The following KDM4D variants were observed in gnomAD, a reference collection of about 807,000 sequenced individuals.
The protein encoded by KDM4D is lysine-specific demethylase 4D.
For missense variants in KDM4D, 427 were observed against 674.8 expected, an observed-to-expected ratio of 0.63 and a Z score of 4.07; for synonymous variants, 254 against 249.1, an observed-to-expected ratio of 1.02 and a Z score of -0.19.
At chr11:94,984,803 G>A (rs1857871075) in intron 2 of KDM4D, among the ~76,000 whole-genome samples, 1 of 151,832 alleles carries the variant, frequency 6.6e-6, no homozygotes, top group African/African-American at 2.4e-5. Flanking sequence ...GGAGGTGGAG[G>A]TTGCAGTGAT....
At chr11:94,995,177 A>G (rs1857965989) in intron 2 of KDM4D, among the ~76,000 whole-genome samples, 1 of 152,242 alleles carries the variant, frequency 6.6e-6, no homozygotes, top group African/African-American at 2.4e-5. Context: ...TATATGGAAG[A>G]TAAGTCAAGG....
intron 2 of KDM4D, among the ~76,000 whole-genome samples, chr11:94,992,752 A>C (rs1857945917): frequency 6.6e-6 from 1 of 152,194 alleles, no homozygotes; most frequent in Non-Finnish European, 1.5e-5. Flanking sequence ...TTTAAGTAAA[A>C]GTGATTAGTA....
intron 2 of KDM4D, among the ~76,000 whole-genome samples, chr11:94,978,121 C>CTTT (rs1857813282): frequency 6.6e-6 from 1 of 151,976 alleles, no homozygotes; most frequent in Non-Finnish European, 1.5e-5. Flanking sequence ...TTATATGTAC[C>CTTT]ATCAAAATCC....
At chr11:94,991,188 C>T (rs587727229) in intron 2 of KDM4D, among the ~76,000 whole-genome samples, 63 of 152,192 alleles carry the variant, frequency 4.1e-4, no homozygotes, top group African/African-American at 1.5e-3. Context: ...TAGGAGTTCA[C>T]CTAGGAAACA....
intron 2 of KDM4D, among the ~76,000 whole-genome samples, chr11:94,985,704 A>G (rs782504118): frequency 2.0e-5 from 3 of 152,344 alleles, no homozygotes; most frequent in Non-Finnish European, 4.4e-5. Context: ...TCTAATAGAC[A>G]TTGCTAATTG....
At chr11:94,990,875 A>G (rs1238394967) in intron 2 of KDM4D, among the ~76,000 whole-genome samples, 1 of 152,220 alleles carries the variant, frequency 6.6e-6, no homozygotes, top group East Asian at 1.9e-4. Context: ...ACAGAGCCCT[A>G]GGTTCCCACC....
intron 2 of KDM4D, among the ~76,000 whole-genome samples, chr11:94,991,469 A>G (rs1314177818): frequency 6.6e-6 from 1 of 152,180 alleles, no homozygotes; most frequent in Non-Finnish European, 1.5e-5. Context: ...TAGTATTTCT[A>G]GAGAGGTAAA....
chr11:94,997,525 A>T lies in KDM4D; in HGVS notation c.153A>T (p.Ile51=). The T allele has an allele frequency of 6.2e-7, 1 of 1,614,198 alleles. No individual in the cohort carries two copies. Among genetic ancestry groups the T allele is most frequent in the Non-Finnish European group, 8.5e-7 (1 of 1,180,028 alleles). The change falls in exon 3 of 3, where the codon ATA becomes ATT. Residue 51 remains isoleucine (I), a synonymous_variant. Transcript: ENST00000335080. ...CACACAGAGCTGGCTTGGCTAAGAT[A>T]ATTCCACCCAAAGAATGGAAAGCCA... The part of the protein sequence containing the change: ...QGAHRAGLAK[I]IPPKEWKARE...
At chr11:94,993,211 T>G (rs1857950046) in intron 2 of KDM4D, among the ~76,000 whole-genome samples, 1 of 152,186 alleles carries the variant, frequency 6.6e-6, no homozygotes, top group African/African-American at 2.4e-5. Flanking sequence ...AATCCATTAA[T>G]TTTAAGGGAT....
At chr11:94,974,430 G>A (rs1857777458) in intron 1 of KDM4D, among the ~76,000 whole-genome samples, 1 of 152,116 alleles carries the variant, frequency 6.6e-6, no homozygotes, top group African/African-American at 2.4e-5. Context: ...ATTAATATTT[G>A]TTAAACAAAT....
At position 94,998,834 on chromosome 11, in the gene KDM4D, C is replaced by T. The variant is rs1555099668; in HGVS notation, c.1462C>T (p.Pro488Ser). ...AACATGCACAGCTTCGGGCCCAGAA[C>T]CTGAGCCCCTACCTGAGGATGGGGC... ...GTTCTASGPEPEPLPEDGALM... is the reference protein window; with the variant it reads ...GTTCTASGPESEPLPEDGALM... The change falls in exon 3 of 3, where the codon CCT becomes TCT. Residue 488 changes from proline (P) to serine (S), a missense_variant. Coordinates refer to ENST00000335080, the MANE Select transcript of KDM4D (RefSeq NM_018039.3). The surrounding 1 kb of genome is among the most constrained non-coding windows in gnomAD (Gnocchi z 6.7). 1.3e-6 allele frequency: 2 copies of T among 1,582,890 alleles called. No homozygotes were observed. Among genetic ancestry groups the T allele is most frequent in the Non-Finnish European group, 1.7e-6 (2 of 1,162,184 alleles).
At chr11:94,980,591 T>C (rs1857835013) in intron 2 of KDM4D, among the ~76,000 whole-genome samples, 1 of 152,214 alleles carries the variant, frequency 6.6e-6, no homozygotes, top group Admixed American at 6.5e-5. Context: ...TTTATATTAA[T>C]ATGCTTCTCT....
At position 94,998,744 on chromosome 11, in the gene KDM4D, C is replaced by T. The variant is rs782262558; in HGVS notation, c.1372C>T (p.Gln458Ter). ...CAGACGTGGTCGTGGTCGCCCTCCT[C>T]AGAAACTGAGAGCTCAGGAGCTGAC... ...NGRRGRGRPP[Q>*]KLRAQELTLQ... The change falls in exon 3 of 3, where the codon CAG (glutamine) becomes TAG (stop). Residue 458 changes from glutamine to a stop codon, truncating the protein, a stop_gained. Coordinates refer to ENST00000335080, the MANE Select transcript of KDM4D (RefSeq NM_018039.3). LOFTEE classifies it low-confidence loss of function (END_TRUNC). The surrounding 1 kb of genome is among the most constrained non-coding windows in gnomAD (Gnocchi z 6.7). The T allele has an allele frequency of 6.2e-7, 1 of 1,613,842 alleles. No individual in the cohort carries two copies. Among genetic ancestry groups the T allele is most frequent in the Non-Finnish European group, 8.5e-7 (1 of 1,179,760 alleles).
At chr11:94,986,379 C>T (rs1857887370) in intron 2 of KDM4D, among the ~76,000 whole-genome samples, 1 of 152,044 alleles carries the variant, frequency 6.6e-6, no homozygotes. Context: ...TGCTTGAGCC[C>T]AGAAGTTCAA....
At chr11:94,994,840 T>G (rs1306524831) in intron 2 of KDM4D, among the ~76,000 whole-genome samples, 1 of 151,710 alleles carries the variant, frequency 6.6e-6, no homozygotes, top group East Asian at 1.9e-4. Context: ...GTAAGGACAG[T>G]AGCTTAAATT....
chr11:94,992,995 C>T (rs781935339), intron 2 of KDM4D, among the ~76,000 whole-genome samples: 6 of 151,978 alleles, frequency 3.9e-5, no homozygotes, highest in African/African-American at 1.4e-4. Flanking sequence ...TTAACAATCC[C>T]CCACTTGAAG....
At position 94,999,007 on chromosome 11, in the gene KDM4D, A is replaced by C. The variant is rs374617174; in HGVS notation, c.*63A>C. 60 of 1,435,956 alleles carry C rather than the reference A, an allele frequency of 4.2e-5. No individual in the cohort carries two copies. The African/African-American group carries it at 7.4e-4, about 18-fold the overall frequency. 89.0% of individuals were successfully genotyped at this position (1,435,956 alleles called of 1,614,324 possible). On this transcript the variant is annotated 3_prime_UTR_variant, in exon 3 of 3. Coordinates refer to ENST00000335080, the MANE Select transcript of KDM4D (RefSeq NM_018039.3). Reference sequence around the variant, plus strand: ...GTGACAGTTTGATGAAACTGGTTACATTTACATCCCAAAACTTTGGTTGAG... The same window carrying C: ...GTGACAGTTTGATGAAACTGGTTACCTTTACATCCCAAAACTTTGGTTGAG...
chr11:94,997,362 C>G lies in KDM4D; in HGVS notation c.-11C>G, dbSNP rs1555099312. ...AACATACCTAAAAACTAAGAGTTTACTGCTTATTAAATGGAAACTATGAAG... is the reference window on the plus strand; with the variant it reads ...AACATACCTAAAAACTAAGAGTTTAGTGCTTATTAAATGGAAACTATGAAG... On this transcript the variant is annotated 5_prime_UTR_variant, in exon 3 of 3. Coordinates refer to ENST00000335080, the MANE Select transcript of KDM4D (RefSeq NM_018039.3). The G allele has an allele frequency of 1.9e-6, 3 of 1,577,002 alleles. No homozygotes were observed. The highest frequency in any genetic ancestry group is 1.7e-6 in the Non-Finnish European group (2 of 1,165,002).
intron 2 of KDM4D, among the ~76,000 whole-genome samples, chr11:94,982,495 A>G (rs1180595682): frequency 6.6e-6 from 1 of 151,266 alleles, no homozygotes; most frequent in East Asian, 1.9e-4. Flanking sequence ...GTCAACATTC[A>G]GCATTTTGCT....
Sources: allele counts gnomAD v4.1 joint callset (sites outside exome capture counted in the v4.1 genomes callset), GRCh38; gene constraint gnomAD v4.1.1; non-coding constraint Gnocchi (gnomAD v3.1); transcripts MANE v1.5; gene names NCBI Gene and HGNC (gene_info 2026-07-23, HGNC 2026-07-21).